Variants in FAM219A observed in about 807,000 individuals in gnomAD.
The protein encoded by FAM219A is family with sequence similarity 219 member A, also known as protein FAM219A.
A neutral mutation model predicts 23.4 loss-of-function variants in FAM219A; 7 were observed. The ratio of observed to expected loss-of-function variants is 0.30; its 90% CI spans 0.17 to 0.56. The LOEUF is 0.56. Among genes scored for constraint, FAM219A ranks in the 20% least tolerant of loss-of-function variants. FAM219A has a pLI of 0.92. For missense variants in FAM219A, 166 were observed against 246.9 expected (o/e 0.67, Z 2.20); for synonymous variants, 93 against 99.0 (o/e 0.94, Z 0.36).
At chr9:34,401,891 C>T (rs1036658437) in intron 4 of FAM219A, among the ~76,000 whole-genome samples, 171 bp from the exon 5 acceptor site, 1 of 152,112 alleles carries the variant, frequency 6.6e-6, no homozygotes, top group East Asian at 1.9e-4. Context: ...AAGACAAGTT[C>T]CCTAGCCCCA....
intron 1 of FAM219A, among the ~76,000 whole-genome samples, chr9:34,454,435 CAA>C (rs1196785637): frequency 1.3e-5 from 2 of 152,102 alleles, no homozygotes; most frequent in African/African-American, 4.8e-5. Context: ...GACTCCGTCT[CAA>C]AAGAGAGAGA....
chr9:34,401,533 A>AC, intron 5 of FAM219A, 133 bp downstream of exon 5: 1 of 1,018,786 alleles, frequency 9.8e-7, no homozygotes, highest in Non-Finnish European at 1.5e-6. Flanking sequence ...TCCCAGGCCC[A>AC]CCCTGTGCAG....
chr9:34,448,243 A>G (rs1260089641), intron 1 of FAM219A, among the ~76,000 whole-genome samples: 1 of 152,212 alleles, frequency 6.6e-6, no homozygotes, highest in African/African-American at 2.4e-5. Flanking sequence ...TTGGCTGGCT[A>G]ACATCCCCAA....
At chr9:34,408,484 G>A (rs1202892402) in intron 1 of FAM219A, among the ~76,000 whole-genome samples, 1 of 152,168 alleles carries the variant, frequency 6.6e-6, no homozygotes, top group Non-Finnish European at 1.5e-5. Flanking sequence ...ACCCTACCAG[G>A]GCAGCACTGG....
At chr9:34,432,449 C>T (rs1428172130) in intron 1 of FAM219A, among the ~76,000 whole-genome samples, 1 of 152,216 alleles carries the variant, frequency 6.6e-6, no homozygotes, top group African/African-American at 2.4e-5. Context: ...GTGCTGACCA[C>T]ATTTTTCTGG....
rs1298579238 is a variant in FAM219A at position 34,401,117 on chromosome 9, G to T, written c.405C>A (p.Ile135=). 1 of 1,613,256 alleles carries T rather than the reference G, an allele frequency of 6.2e-7. No individual in the cohort carries two copies. Among genetic ancestry groups the T allele is most frequent in the African/African-American group, 1.3e-5 (1 of 74,980 alleles). ...SSSGYSSAEQ[I]NQDLNIQLLK... is the part of the protein sequence containing the mutation. ...GCAGCTGGATGTTCAAATCTTGGTT[G>T]ATCTGCTGTAGGCAAAGGGGAGGGA... Residue 135 remains isoleucine, a synonymous_variant, in exon 6 of 6, where the codon ATC becomes ATA. Coordinates refer to ENST00000651358, the MANE Select transcript of FAM219A (RefSeq NM_001184940.2).
intron 1 of FAM219A, among the ~76,000 whole-genome samples, chr9:34,452,674 T>G (rs1309084999): frequency 2.0e-5 from 3 of 152,214 alleles, no homozygotes; most frequent in Admixed American, 6.5e-5. Flanking sequence ...GATCATGTTA[T>G]TCCCTTAATT....
At position 34,401,605 on chromosome 9, in the gene FAM219A, C is replaced by T; in HGVS notation, c.399+61G>A. ...GTACTTGGGCATTGGCCCCAGCCCTCCCCCGGGATGGCAGTGATCCTGCCC... is the reference window on the plus strand; with the variant it reads ...GTACTTGGGCATTGGCCCCAGCCCTTCCCCGGGATGGCAGTGATCCTGCCC... On this transcript the variant is annotated intron_variant, in intron 5 of 5. Transcript: ENST00000651358. 5.1e-6 allele frequency: 8 copies of T among 1,568,052 alleles called. 1 individual carries two copies. The South Asian group carries it at 9.3e-5, about 18-fold the overall frequency.
chr9:34,451,770 G>C lies in FAM219A; in HGVS notation c.60+6434C>G, dbSNP rs990922421. Among the ~76,000 whole-genome samples, 7 of 152,204 alleles carry C rather than the reference G, an allele frequency of 4.6e-5. No homozygotes were observed. In the East Asian group the frequency reaches 1.3e-3, roughly 29 times the overall value. ...CTCTGAGAAGCCAAGTGACCTCTGAGTGATCTCACCCCAGAATTCTGCTCC... is the reference window on the plus strand; with the variant it reads ...CTCTGAGAAGCCAAGTGACCTCTGACTGATCTCACCCCAGAATTCTGCTCC... On this transcript the variant is annotated intron_variant, in intron 1 of 5. Coordinates refer to ENST00000651358, the MANE Select transcript of FAM219A (RefSeq NM_001184940.2).
At chr9:34,407,126 C>T (rs554897660) in intron 1 of FAM219A, among the ~76,000 whole-genome samples, 1 of 152,096 alleles carries the variant, frequency 6.6e-6, no homozygotes, top group South Asian at 2.1e-4. Context: ...GCCTTGCCAT[C>T]CCCTCCCAAA....
intron 1 of FAM219A, among the ~76,000 whole-genome samples, chr9:34,426,131 T>C (rs2131973059): frequency 6.6e-6 from 1 of 152,284 alleles, no homozygotes; most frequent in South Asian, 2.1e-4. Context: ...TCAAGGAGTA[T>C]TTTGGCTTTT....
chr9:34,411,049 CT>C (rs1303019382), intron 1 of FAM219A, among the ~76,000 whole-genome samples: 24 of 152,116 alleles, frequency 1.6e-4, no homozygotes, highest in Admixed American at 1.5e-3. Flanking sequence ...TCAGTGTGCC[CT>C]GGGAGTGGCT....
In FAM219A at chr9:34,458,299, G is replaced by C; in HGVS notation, c.-36C>G. 2.2e-6 allele frequency: 3 copies of C among 1,345,910 alleles called. No individual in the cohort carries two copies. The highest frequency in any genetic ancestry group is 2.9e-6 in the Non-Finnish European group (3 of 1,048,272). The allele number at this position is 1,345,910 out of a possible 1,614,324, so 83.4% of individuals were successfully genotyped here. ...GGCGAGCGGGCCAGGGGCCGGGCGC[G>C]GCCGCGGACGCCGACAGGACCGCGC... On this transcript the variant is annotated 5_prime_UTR_variant, in exon 1 of 6. Coordinates refer to ENST00000651358, the MANE Select transcript of FAM219A (RefSeq NM_001184940.2). The surrounding 1 kb of genome is among the most constrained non-coding windows in gnomAD (Gnocchi z 6.6).
rs957980954 is a variant in FAM219A, at chr9:34,450,425, C to CT, written c.60+7778dup. On this transcript the variant is annotated intron_variant, in intron 1 of 5. Coordinates refer to ENST00000651358, the MANE Select transcript of FAM219A (RefSeq NM_001184940.2). ...TTTGCATGTAGTTAATTCAATACAT[C>CT]TTTTTTTTTTTTGAGACGGAGTCTT... Among the ~76,000 whole-genome samples the CT allele has an allele frequency of 8.8e-4, 129 of 146,336 alleles. 1 individual carries two copies. The highest frequency in any genetic ancestry group is 3.5e-3 in the Middle Eastern group (1 of 282).
At chr9:34,410,567 G>C (rs1017422803) in intron 1 of FAM219A, among the ~76,000 whole-genome samples, 1 of 152,156 alleles carries the variant, frequency 6.6e-6, no homozygotes, top group African/African-American at 2.4e-5. Context: ...AGATCCACGA[G>C]CTTATCTGAT....
intron 5 of FAM219A, 27 bp from the exon 6 acceptor site, chr9:34,401,149 G>C (rs1252743951): frequency 6.2e-7 from 1 of 1,609,354 alleles, no homozygotes; most frequent in Non-Finnish European, 8.5e-7. Context: ...GGGAGGTCAG[G>C]CCCGAGCGGC....
At chr9:34,416,247 GAAAGAAAGAAA>G (rs1822013784) in intron 1 of FAM219A, among the ~76,000 whole-genome samples, 66 of 123,526 alleles carry the variant, frequency 5.3e-4, no homozygotes, top group African/African-American at 8.9e-4. Context: ...AAGAAAGAAA[GAAAGAAAGAAA>G]GGGGGAGGGA....
In FAM219A at chr9:34,421,881, C is replaced by G. The variant is rs12551477; in HGVS notation, c.61-15917G>C. Among the ~76,000 whole-genome samples the G allele has an allele frequency of 2.0e-5, 3 of 152,162 alleles. No individual in the cohort carries two copies. In the East Asian group the frequency reaches 5.8e-4, roughly 29 times the overall value. Reference sequence around the variant, plus strand: ...AGATTCTGATTCAGTAGGTCTGGAACCTGAATTGTCAGCATTTCATATTAG... The same window carrying G: ...AGATTCTGATTCAGTAGGTCTGGAAGCTGAATTGTCAGCATTTCATATTAG... On this transcript the variant is annotated intron_variant, in intron 1 of 5. Transcript: ENST00000651358.
At chr9:34,448,994 G>GAAAAA (rs55976326) in intron 1 of FAM219A, among the ~76,000 whole-genome samples, 9 of 142,410 alleles carry the variant, frequency 6.3e-5, no homozygotes, top group Admixed American at 1.4e-4. Flanking sequence ...AAAACTATCG[G>GAAAAA]AAAAAAAAAA....
Sources: allele counts gnomAD v4.1 joint callset (sites outside exome capture counted in the v4.1 genomes callset), GRCh38; gene constraint gnomAD v4.1.1; non-coding constraint Gnocchi (gnomAD v3.1); transcripts MANE v1.5; gene names NCBI Gene and HGNC (gene_info 2026-07-23, HGNC 2026-07-21).